The following CHCT1 variants were observed in gnomAD, a reference collection of about 807,000 sequenced individuals.
CHCT1 encodes the protein CHD1 helical C-terminal domain containing protein 1.
chr17:60,430,903 T>C, the CHCT1 span, among the ~76,000 whole-genome samples: 8 of 152,252 alleles, frequency 5.3e-5, no homozygotes, highest in Non-Finnish European at 1.2e-4. Flanking sequence ...TCGAGGAAAC[T>C]CGGGTCTTGC....
the CHCT1 span, among the ~76,000 whole-genome samples, chr17:60,424,043 A>C: frequency 6.6e-6 from 1 of 152,190 alleles, no homozygotes; most frequent in African/African-American, 2.4e-5. Flanking sequence ...TCACATGGTG[A>C]GAGAGCAAGC....
the CHCT1 span, among the ~76,000 whole-genome samples, chr17:60,430,268 A>G: frequency 0.022 from 3,311 of 151,756 alleles, 118 homozygotes; most frequent in African/African-American, 0.075. Context: ...ACAGGACTCG[A>G]AAGTCTTCAT....
At chr17:60,424,852 G>T in the CHCT1 span, among the ~76,000 whole-genome samples, 5 of 151,738 alleles carry the variant, frequency 3.3e-5, no homozygotes, top group Non-Finnish European at 7.4e-5. Context: ...CAGCCTGGGT[G>T]ATAGAGTGAA....
the CHCT1 span, chr17:60,422,037 G>A: frequency 2.6e-6 from 2 of 771,002 alleles, no homozygotes; most frequent in Non-Finnish European, 3.1e-6. Context: ...CACCCAGCAC[G>A]GAGGGCTTAT....
chr17:60,426,147 T>C, the CHCT1 span: 2 of 1,551,082 alleles, frequency 1.3e-6, no homozygotes, highest in South Asian at 1.2e-5. Context: ...TCACCTCACC[T>C]GTTGCCTCCT....
At chr17:60,421,895 T>G in the CHCT1 span, 2 of 985,314 alleles carry the variant, frequency 2.0e-6, no homozygotes, top group Admixed American at 1.2e-4. Context: ...CAGCGCCTCC[T>G]GTGTGAAGCG....
At chr17:60,429,648 G>A in the CHCT1 span, 4 of 1,324,218 alleles carry the variant, frequency 3.0e-6, no homozygotes, top group East Asian at 9.6e-5. Context: ...CAAGCAGCCG[G>A]GAGCCTCTGC....
At chr17:60,429,327 T>C in the CHCT1 span, 97 of 1,592,538 alleles carry the variant, frequency 6.1e-5, no homozygotes, top group Middle Eastern at 1.7e-4. Flanking sequence ...CCCCCTCTTC[T>C]CAACACTCTC....
At chr17:60,426,454 C>T in the CHCT1 span, 2 of 1,212,898 alleles carry the variant, frequency 1.6e-6, no homozygotes, top group East Asian at 2.6e-5. Flanking sequence ...GAGTCAAGAG[C>T]CTGAGGGGAT....
chr17:60,423,236 G>T, the CHCT1 span, among the ~76,000 whole-genome samples: 856 of 150,798 alleles, frequency 5.7e-3, 6 homozygotes, highest in Middle Eastern at 0.021. Flanking sequence ...CTGTCACCTA[G>T]GCTGGACTGC....
chr17:60,431,314 C>T, the CHCT1 span: 47 of 1,373,706 alleles, frequency 3.4e-5, no homozygotes, highest in Middle Eastern at 5.4e-4. Flanking sequence ...TCTCAGAGCA[C>T]GGGGAATGGA....
the CHCT1 span, chr17:60,426,406 C>T: frequency 1.4e-6 from 2 of 1,411,918 alleles, no homozygotes; most frequent in South Asian, 1.4e-5. Flanking sequence ...CAAGGGGACA[C>T]CTTAGTCAAT....
At chr17:60,424,608 G>T in the CHCT1 span, among the ~76,000 whole-genome samples, 1 of 152,158 alleles carries the variant, frequency 6.6e-6, no homozygotes, top group African/African-American at 2.4e-5. Flanking sequence ...GTAGACCCTG[G>T]GTGCGGTGGC....
chr17:60,431,080 A>G, the CHCT1 span: 1 of 779,150 alleles, frequency 1.3e-6, no homozygotes, highest in East Asian at 2.8e-5. Context: ...GGATTTTGCT[A>G]TTCTTCCTCT....
chr17:60,429,631 G>A, the CHCT1 span: 1 of 1,480,064 alleles, frequency 6.8e-7, no homozygotes, highest in Non-Finnish European at 9.2e-7. Context: ...TTTCCCAAGA[G>A]TAGACTCAAG....
At chr17:60,424,416 T>C in the CHCT1 span, among the ~76,000 whole-genome samples, 1 of 152,192 alleles carries the variant, frequency 6.6e-6, no homozygotes, top group African/African-American at 2.4e-5. Context: ...ATTGTTCTCA[T>C]CTGTAACTAG....
the CHCT1 span, chr17:60,426,874 G>T: frequency 1.3e-6 from 2 of 1,544,202 alleles, no homozygotes; most frequent in South Asian, 2.4e-5. Context: ...TGTGTCCTTA[G>T]ACTTGCGGGG....
chr17:60,431,098 T>C, the CHCT1 span: 10 of 976,226 alleles, frequency 1.0e-5, no homozygotes, highest in Non-Finnish European at 1.5e-5. Context: ...TCTCTGCCCC[T>C]ACAACACCCC....
At chr17:60,422,296 C>T in the CHCT1 span, 1 of 488,654 alleles carries the variant, frequency 2.0e-6, no homozygotes, top group South Asian at 2.1e-5. Context: ...GAAGGGGCGC[C>T]AGCCTCTCCT....
Sources: allele counts gnomAD v4.1 joint callset (sites outside exome capture counted in the v4.1 genomes callset), GRCh38; gene constraint gnomAD v4.1.1; transcripts MANE v1.5; gene names NCBI Gene and HGNC (gene_info 2026-07-23, HGNC 2026-07-21).